Variants in EIF4G3 observed in about 807,000 individuals in gnomAD.
EIF4G3 encodes the protein eukaryotic translation initiation factor 4 gamma 3, also known as eIF-4-gamma 3.
In EIF4G3, 34 loss-of-function variants were observed where a neutral mutation model predicts 186.4. The ratio of observed to expected loss-of-function variants is 0.18; its 90% confidence interval spans 0.14 to 0.24. The LOEUF (loss-of-function observed/expected upper bound fraction) is 0.24, where lower values mean the gene tolerates loss of function less well. Among genes scored for constraint, EIF4G3 ranks in the 10% least tolerant of loss-of-function variants. The probability of loss-of-function intolerance (pLI) is 1.00; values close to 1 mark genes in which losing one functional copy is unlikely to be tolerated. For missense variants in EIF4G3, 1,536 were observed against 1,948.5 expected (o/e 0.79, Z 3.99); for synonymous variants, 673 against 679.5 (o/e 0.99, Z 0.15).
At chr1:20,988,921 C>T (rs1195260032) in intron 7 of EIF4G3, among the ~76,000 whole-genome samples, 1 of 150,756 alleles carries the variant, frequency 6.6e-6, no homozygotes, top group East Asian at 1.9e-4. Flanking sequence ...AAGAATATTC[C>T]TGGGTGCAGT....
chr1:21,065,483 G>A (rs1911256), intron 3 of EIF4G3, among the ~76,000 whole-genome samples: 1 of 150,644 alleles, frequency 6.6e-6, no homozygotes, highest in South Asian at 2.1e-4. Flanking sequence ...ATTAAGCCCA[G>A]AAGTTGCAGC....
intron 30 of EIF4G3, among the ~76,000 whole-genome samples, chr1:20,830,721 G>A (rs746198107): frequency 6.6e-6 from 1 of 152,038 alleles, no homozygotes; most frequent in Non-Finnish European, 1.5e-5. Context: ...TTCTTGCTTT[G>A]GTTTTTTATG....
intron 2 of EIF4G3, among the ~76,000 whole-genome samples, chr1:21,157,368 TTTTG>T (rs937624122): frequency 6.6e-6 from 1 of 152,098 alleles, no homozygotes; most frequent in African/African-American, 2.4e-5. Context: ...TGTAGTTTTT[TTTTG>T]TTTGTTTTTT....
intron 2 of EIF4G3, among the ~76,000 whole-genome samples, chr1:21,129,600 AAG>A (rs1408036999): frequency 6.6e-6 from 1 of 152,232 alleles, no homozygotes; most frequent in East Asian, 1.9e-4. Flanking sequence ...ACAAAGCCTG[AAG>A]AGATTCCACA....
At chr1:21,102,130 C>T (rs2096539504) in intron 2 of EIF4G3, among the ~76,000 whole-genome samples, 1 of 151,998 alleles carries the variant, frequency 6.6e-6, no homozygotes, top group African/African-American at 2.4e-5. Flanking sequence ...AAAAGACAAA[C>T]ACCAAAAAGG....
intron 2 of EIF4G3, among the ~76,000 whole-genome samples, chr1:21,098,936 C>T (rs1023853786): frequency 6.6e-6 from 1 of 152,110 alleles, no homozygotes; most frequent in Non-Finnish European, 1.5e-5. Flanking sequence ...TGTGCCTAGC[C>T]TCAAATGGGG....
chr1:21,016,601 G>A (rs1414264057), intron 4 of EIF4G3, among the ~76,000 whole-genome samples: 1 of 152,132 alleles, frequency 6.6e-6, no homozygotes, highest in Non-Finnish European at 1.5e-5. Flanking sequence ...CAAGGCTACA[G>A]TGAGCCATGA....
chr1:20,850,517 C>T (rs1485421432), intron 28 of EIF4G3, among the ~76,000 whole-genome samples: 2 of 152,196 alleles, frequency 1.3e-5, no homozygotes, highest in African/African-American at 2.4e-5. Context: ...ACTAAAACTG[C>T]TATTACTTCA....
chr1:20,966,950 T>C (rs2154565212), intron 12 of EIF4G3, among the ~76,000 whole-genome samples: 1 of 152,330 alleles, frequency 6.6e-6, no homozygotes, highest in African/African-American at 2.4e-5. Flanking sequence ...CTAATAAACT[T>C]ATGCTTTATA....
chr1:20,938,184 G>A (rs1054164262), intron 14 of EIF4G3, among the ~76,000 whole-genome samples: 5 of 151,958 alleles, frequency 3.3e-5, no homozygotes, highest in East Asian at 1.9e-4. Context: ...TAGTAGATAC[G>A]GGGTTTCACC....
intron 2 of EIF4G3, among the ~76,000 whole-genome samples, chr1:21,150,832 T>C (rs1338308456): frequency 6.6e-6 from 1 of 152,036 alleles, no homozygotes; most frequent in East Asian, 1.9e-4. Flanking sequence ...CAAAATTAGC[T>C]GGGCATGGTG....
At chr1:20,865,091 A>G (rs192813022) in intron 21 of EIF4G3, 25 bp downstream of exon 21, 17 of 1,613,692 alleles carry the variant, frequency 1.1e-5, no homozygotes, top group Admixed American at 1.0e-4. Context: ...GTGTACAAGC[A>G]CTGTCTTTCT....
In EIF4G3 at chr1:20,820,870, G is replaced by A. The variant is rs367739081; in HGVS notation, c.4369-3332C>T. Among the ~76,000 whole-genome samples the A allele has an allele frequency of 3.0e-4, 46 of 152,024 alleles. 1 individual carries two copies. Among genetic ancestry groups the A allele is most frequent in the African/African-American group, 1.0e-3 (42 of 41,474 alleles). On this transcript the variant is annotated intron_variant, in intron 33 of 36. Coordinates refer to ENST00000602326, the MANE Select transcript of EIF4G3 (RefSeq NM_001391906.1). ...CAGAGACCTGCAGAAATGTCCAAAC[G>A]ACCTGCCTGTGGAGAGGAGCTATCC...
intron 3 of EIF4G3, among the ~76,000 whole-genome samples, chr1:21,084,258 A>C (rs1344371508): frequency 6.6e-6 from 1 of 152,030 alleles, no homozygotes. Context: ...GAAAGAAAAA[A>C]AAGAGGTTTA....
chr1:20,980,972 C>CA, intron 9 of EIF4G3, 76 bp downstream of exon 9: 1 of 1,241,432 alleles, frequency 8.1e-7, no homozygotes, highest in South Asian at 2.3e-5. Flanking sequence ...AATTCATCCA[C>CA]CCAGCTCCCT....
At chr1:21,035,685 C>G (rs972248520) in intron 4 of EIF4G3, among the ~76,000 whole-genome samples, 1 of 152,262 alleles carries the variant, frequency 6.6e-6, no homozygotes, top group Non-Finnish European at 1.5e-5. Context: ...GGCAGTTCAG[C>G]GATAGCCTGT....
intron 14 of EIF4G3, among the ~76,000 whole-genome samples, chr1:20,940,042 G>T (rs998373750): frequency 4.6e-5 from 7 of 151,778 alleles, no homozygotes; most frequent in African/African-American, 1.7e-4. Context: ...TGTCAGTGGA[G>T]ATGGGGTTTC....
At chr1:20,817,565 A>G in intron 33 of EIF4G3, 27 bp from the exon 34 acceptor site, 1 of 1,414,114 alleles carries the variant, frequency 7.1e-7, no homozygotes, top group African/African-American at 1.5e-5. Flanking sequence ...GGAACATATT[A>G]ATATATTAAT....
intron 3 of EIF4G3, among the ~76,000 whole-genome samples, chr1:21,085,460 G>A (rs1013468644): frequency 2.0e-5 from 3 of 152,200 alleles, no homozygotes; most frequent in South Asian, 2.1e-4. Context: ...ATTCAGAGGC[G>A]CAATCATGTA....
Sources: allele counts gnomAD v4.1 joint callset (sites outside exome capture counted in the v4.1 genomes callset), GRCh38; gene constraint gnomAD v4.1.1; transcripts MANE v1.5; gene names NCBI Gene and HGNC (gene_info 2026-07-23, HGNC 2026-07-21).